Variants in FGF14 observed in about 807,000 individuals in gnomAD.
The protein encoded by FGF14 is fibroblast growth factor 14.
Under a neutral mutation model 25.5 loss-of-function variants are expected in FGF14, and 5 were observed. The ratio of observed to expected loss-of-function variants is 0.20; its 90% CI spans 0.10 to 0.41. The LOEUF (loss-of-function observed/expected upper bound fraction) is 0.41, where lower values mean the gene tolerates loss of function less well. FGF14 is among the 10% of genes least tolerant of loss of function. The pLI is 1.00. For synonymous variants in FGF14, 138 were observed against 118.3 expected, an observed-to-expected ratio of 1.17 and a Z score of -1.08; for missense variants, 222 against 320.1, an observed-to-expected ratio of 0.69 and a Z score of 2.34.
chr13:102,159,605 C>G (rs2047529343), intron 1 of FGF14, among the ~76,000 whole-genome samples: 1 of 152,212 alleles, frequency 6.6e-6, no homozygotes, highest in African/African-American at 2.4e-5. Context: ...GTTGTCCCAC[C>G]TATCAAACTG....
At chr13:102,295,552 G>T (rs925492571) in intron 1 of FGF14, among the ~76,000 whole-genome samples, 2 of 152,068 alleles carry the variant, frequency 1.3e-5, no homozygotes, top group African/African-American at 4.8e-5. Context: ...TCTAAAGGTC[G>T]GCGAAGCAGG....
intron 1 of FGF14, among the ~76,000 whole-genome samples, chr13:101,904,992 A>C (rs1235222238): frequency 6.6e-6 from 1 of 152,220 alleles, no homozygotes; most frequent in Non-Finnish European, 1.5e-5. Flanking sequence ...GGAAAACTTC[A>C]ATCTTGCTTC....
intron 3 of FGF14, among the ~76,000 whole-genome samples, chr13:101,754,344 TC>T (rs1769753270): frequency 6.6e-6 from 1 of 152,212 alleles, no homozygotes; most frequent in Non-Finnish European, 1.5e-5. Context: ...ATCACAGAGC[TC>T]TGCTCAGACA....
chr13:102,333,996 T>C (rs1473203296), intron 1 of FGF14, among the ~76,000 whole-genome samples: 1 of 152,136 alleles, frequency 6.6e-6, no homozygotes, highest in Admixed American at 6.5e-5. Context: ...TCTGCCTGCT[T>C]GGCATGCCTG....
In FGF14 at chr13:102,018,360, T is replaced by C. The variant is rs78541762; in HGVS notation, c.209-143064A>G. On this transcript the variant is annotated intron_variant, in intron 1 of 4. Coordinates refer to the FGF14 transcript ENST00000376131. The stretch of plus-strand genomic sequence containing the variant: ...TTTCTTTTTGTCTATGTGAGTTTTC[T>C]TTTTTCTCAGTCAGGGAGGTAGCTT... 4.8e-3 allele frequency among the ~76,000 whole-genome samples: 724 copies of C among 152,228 alleles called. 5 individuals carry two copies. The highest frequency in any genetic ancestry group is 7.4e-3 in the Non-Finnish European group (505 of 67,996).
chr13:102,173,775 C>G (rs1318433499), intron 1 of FGF14, among the ~76,000 whole-genome samples: 7 of 151,916 alleles, frequency 4.6e-5, no homozygotes, highest in African/African-American at 1.7e-4. Flanking sequence ...AATAGTCAAA[C>G]TGATAGAAGC....
chr13:102,106,707 T>C (rs914793275), intron 1 of FGF14, among the ~76,000 whole-genome samples: 2 of 152,234 alleles, frequency 1.3e-5, no homozygotes, highest in Non-Finnish European at 2.9e-5. Context: ...GGTAGACATT[T>C]GTGTGCAAAT....
chr13:101,911,057 T>C lies in FGF14; in HGVS notation c.193+5396A>G, dbSNP rs185926283. Among the ~76,000 whole-genome samples the C allele has an allele frequency of 5.4e-3, 817 of 152,140 alleles. 5 individuals are homozygous for C. The highest frequency in any genetic ancestry group is 0.018 in the African/African-American group (752 of 41,544). On this transcript the variant is annotated intron_variant, in intron 1 of 4. Coordinates refer to ENST00000376143, the MANE Select transcript of FGF14 (RefSeq NM_004115.4). The stretch of plus-strand genomic sequence containing the variant: ...ATTCCATAACTAAGTGGATAAATCA[T>C]ATTTAGAAACCTTTCCTTTTAAATT...
chr13:101,943,442 G>A (rs1566472068), intron 1 of FGF14, among the ~76,000 whole-genome samples: 1 of 152,190 alleles, frequency 6.6e-6, no homozygotes, highest in Non-Finnish European at 1.5e-5. Flanking sequence ...CAAGGGGGAA[G>A]AGGTGTTACT....
At chr13:102,008,651 GTTT>G (rs113088632) in intron 1 of FGF14, among the ~76,000 whole-genome samples, 1 of 151,060 alleles carries the variant, frequency 6.6e-6, no homozygotes, top group Non-Finnish European at 1.5e-5. Flanking sequence ...CTTTCCACGT[GTTT>G]TTTTTTATTG....
At chr13:102,293,832 C>A (rs1207518639) in intron 1 of FGF14, 1 of 152,206 alleles carries the variant, frequency 6.6e-6, no homozygotes, top group African/African-American at 2.4e-5. Context: ...AGTGCTCTCA[C>A]TTGCATGCTG....
In FGF14 at chr13:102,014,723, A is replaced by C. The variant is rs149372311; in HGVS notation, c.209-139427T>G. Among the ~76,000 whole-genome samples the C allele has an allele frequency of 7.5e-3, 1,139 of 152,270 alleles. 17 individuals are homozygous for C. Among genetic ancestry groups the C allele is most frequent in the African/African-American group, 0.026 (1,067 of 41,566 alleles). On this transcript the variant is annotated intron_variant, in intron 1 of 4. Transcript: ENST00000376131. ...TCACTTATTTCGTATGTAAATGATT[A>C]TTTCATAATACAGAACAGCTAAAAA...
chr13:101,978,442 T>C (rs59600146), intron 1 of FGF14, among the ~76,000 whole-genome samples: 5,818 of 152,220 alleles, frequency 0.038, 373 homozygotes, highest in African/African-American at 0.13. Context: ...GGTCACTAAA[T>C]AGCATCCAAA....
At chr13:102,032,635 C>A (rs1420960213) in intron 1 of FGF14, among the ~76,000 whole-genome samples, 2 of 152,122 alleles carry the variant, frequency 1.3e-5, no homozygotes, top group Non-Finnish European at 2.9e-5. Flanking sequence ...TAGGGCTGCA[C>A]TATGTGGGCC....
At chr13:102,225,504 A>T (rs1209761825) in intron 1 of FGF14, among the ~76,000 whole-genome samples, 1 of 152,180 alleles carries the variant, frequency 6.6e-6, no homozygotes, top group Non-Finnish European at 1.5e-5. Context: ...TGCAAATTGT[A>T]TGTCTCTCCA....
upstream of FGF14, among the ~76,000 whole-genome samples, chr13:101,918,909 ATGCTAGAGTTGTTT>A (rs369859294): frequency 3.3e-3 from 501 of 152,348 alleles, 7 homozygotes; most frequent in African/African-American, 0.011. Flanking sequence ...TAAAAGGAAT[ATGCTAGAGTTGTTT>A]TGCTAGAAAC....
At chr13:101,981,205 G>A (rs1268944580) in intron 1 of FGF14, among the ~76,000 whole-genome samples, 2 of 151,860 alleles carry the variant, frequency 1.3e-5, no homozygotes, top group Non-Finnish European at 2.9e-5. Flanking sequence ...CCTTGAGCCC[G>A]GGAGGCAGAG....
At chr13:102,295,996 C>T (rs753196854) in intron 1 of FGF14, among the ~76,000 whole-genome samples, 17 of 152,118 alleles carry the variant, frequency 1.1e-4, no homozygotes, top group African/African-American at 2.7e-4. Flanking sequence ...TGACCTCAGT[C>T]GTGTTGCTCC....
At chr13:102,083,621 C>T (rs994710645) in intron 1 of FGF14, among the ~76,000 whole-genome samples, 4 of 152,194 alleles carry the variant, frequency 2.6e-5, no homozygotes, top group South Asian at 2.1e-4. Context: ...CTTGTAAGGC[C>T]GTGCTTCAAC....
Sources: gnomAD v4.1 joint callset for allele counts (sites outside exome capture counted in the v4.1 genomes callset) on GRCh38, gnomAD v4.1.1 for gene constraint, MANE v1.5 for transcripts, NCBI Gene and HGNC (gene_info 2026-07-23, HGNC 2026-07-21) for gene names.